Variants in RABGEF1 observed in about 807,000 individuals in gnomAD.
The protein encoded by RABGEF1 is rab5 GDP/GTP exchange factor.
RABGEF1 carries 26 observed loss-of-function variants against 57.3 expected under a neutral mutation model. That is an observed-to-expected ratio of 0.45 (90% CI 0.33 to 0.63). RABGEF1 has a LOEUF of 0.63. RABGEF1 is among the 20% of genes least tolerant of loss of function. The probability of loss-of-function intolerance (pLI) is 0.02; values close to 1 mark genes in which losing one functional copy is unlikely to be tolerated. For missense variants in RABGEF1, 464 were observed against 607.6 expected (o/e 0.76, Z 2.48); for synonymous variants, 185 against 210.7 (o/e 0.88, Z 1.06).
intron 1 of RABGEF1, chr7:66,755,814 T>C: frequency 2.7e-6 from 1 of 374,306 alleles, no homozygotes; most frequent in South Asian, 6.0e-5. Context: ...TTGAGAATGC[T>C]CCCCTGCTTG....
rs542167051 is a variant in RABGEF1, at chr7:66,699,399, A to G, written c.-872-12768A>G. Among the ~76,000 whole-genome samples, 12 of 152,292 alleles carry G rather than the reference A, an allele frequency of 7.9e-5. No homozygotes were observed. The East Asian group carries it at 2.3e-3, about 29-fold the overall frequency. ...CCAAGCCTCAGTTTTCTCATCTGTA[A>G]AATGGGAGTGGCTGGGTGCAGTGGC... On this transcript the variant is annotated intron_variant and NMD_transcript_variant, in intron 1 of 9. Transcript: ENST00000607882.
chr7:66,699,716 GGTA>G (rs1273764049), intron 1 of RABGEF1, among the ~76,000 whole-genome samples: 1 of 151,386 alleles, frequency 6.6e-6, no homozygotes, highest in Non-Finnish European at 1.5e-5. Flanking sequence ...AAACTGGTGT[GGTA>G]GTGTGCACTT....
rs539158824 is a variant in RABGEF1, at chr7:66,748,540, C to T, written c.-18+7748C>T. Among the ~76,000 whole-genome samples the T allele has an allele frequency of 2.0e-5, 3 of 152,266 alleles. No homozygotes were observed. The South Asian group carries it at 6.2e-4, about 32-fold the overall frequency. ...ACGATGGAACAGTCTGACAAGGGCACATATTTGTTTGTTTGTTTTTTGAGG... is the reference window on the plus strand; with the variant it reads ...ACGATGGAACAGTCTGACAAGGGCATATATTTGTTTGTTTGTTTTTTGAGG... On this transcript the variant is annotated intron_variant, in intron 1 of 8. Coordinates refer to ENST00000284957, the MANE Select transcript of RABGEF1 (RefSeq NM_014504.3).
At chr7:66,723,044 C>T (rs1009786298) in intron 2 of RABGEF1, among the ~76,000 whole-genome samples, 5 of 152,100 alleles carry the variant, frequency 3.3e-5, no homozygotes, top group East Asian at 1.9e-4. Flanking sequence ...TCTTGGCTCA[C>T]TGCAACCTCC....
At chr7:66,784,218 TTC>T (rs1810622967) in intron 4 of RABGEF1, among the ~76,000 whole-genome samples, 1 of 152,246 alleles carries the variant, frequency 6.6e-6, no homozygotes, top group South Asian at 2.1e-4. Flanking sequence ...TGTTGTTGAA[TTC>T]TGTTTTGTTT....
chr7:66,729,530 T>G (rs958562639), intron 2 of RABGEF1, among the ~76,000 whole-genome samples: 2 of 145,332 alleles, frequency 1.4e-5, no homozygotes, highest in African/African-American at 5.1e-5. Flanking sequence ...ATCCTCACCT[T>G]CAACCTCACC....
intron 7 of RABGEF1, among the ~76,000 whole-genome samples, chr7:66,804,378 ACT>A (rs1226024987): frequency 1.3e-5 from 2 of 152,174 alleles, no homozygotes; most frequent in East Asian, 3.9e-4. Context: ...CAGTAAAAAG[ACT>A]CTTCATCAGA....
chr7:66,674,656 G>A, the RABGEF1 span, among the ~76,000 whole-genome samples: 1 of 152,030 alleles, frequency 6.6e-6, no homozygotes, highest in South Asian at 2.1e-4. Flanking sequence ...CAATATGGTG[G>A]ATAAATTTCA....
chr7:66,749,077 G>A, intron 1 of RABGEF1: 1 of 154,720 alleles, frequency 6.5e-6, no homozygotes, highest in Non-Finnish European at 1.4e-5. Flanking sequence ...ATGTCTGACA[G>A]GGGCACATAT....
intron 2 of RABGEF1, chr7:66,773,846 T>C (rs1350798082): frequency 2.4e-6 from 1 of 418,954 alleles, no homozygotes; most frequent in Non-Finnish European, 4.8e-6. Context: ...TTGTATTTTA[T>C]GTAGAGACAG....
At chr7:66,721,259 C>T (rs2141924) in intron 2 of RABGEF1, among the ~76,000 whole-genome samples, 15,714 of 152,128 alleles carry the variant, frequency 0.1, 991 homozygotes, top group South Asian at 0.2. Context: ...AATCAAAATA[C>T]CTAGGAATAA....
chr7:66,764,842 C>A (rs372539877), intron 1 of RABGEF1, among the ~76,000 whole-genome samples: 1 of 152,108 alleles, frequency 6.6e-6, no homozygotes, highest in Non-Finnish European at 1.5e-5. Flanking sequence ...GTGCCAGTAC[C>A]GCGCTGTAGT....
intron 1 of RABGEF1, among the ~76,000 whole-genome samples, chr7:66,750,195 A>AT (rs1410246758): frequency 6.6e-6 from 1 of 152,134 alleles, no homozygotes; most frequent in East Asian, 1.9e-4. Flanking sequence ...GTGGATTTTT[A>AT]TTTGTCTAGG....
chr7:66,795,462 T>C (rs768742841), intron 4 of RABGEF1, 49 bp from the exon 5 acceptor site: 4 of 1,472,164 alleles, frequency 2.7e-6, no homozygotes, highest in Non-Finnish European at 2.9e-6. Context: ...AGAGCTGTGC[T>C]TCTGCACTTT....
upstream of RABGEF1, among the ~76,000 whole-genome samples, chr7:66,739,657 C>CA (rs10554809): frequency 8.8e-4 from 71 of 80,400 alleles, no homozygotes; most frequent in African/African-American, 3.2e-3. Flanking sequence ...GTGAGAGTCT[C>CA]AAAAAAAAAA....
At chr7:66,751,582 G>A (rs1413770929) in intron 1 of RABGEF1, among the ~76,000 whole-genome samples, 1 of 152,156 alleles carries the variant, frequency 6.6e-6, no homozygotes, top group East Asian at 1.9e-4. Context: ...TGAGCTGAGG[G>A]TTGAGGTTGT....
At chr7:66,797,566 G>GGGGA in intron 6 of RABGEF1, 60 bp downstream of exon 6, 5 of 1,551,090 alleles carry the variant, frequency 3.2e-6, no homozygotes, top group Non-Finnish European at 4.4e-6. Context: ...AACACACTGG[G>GGGGA]GGGAAAATAA....
At chr7:66,697,460 G>T (rs1562706821) in intron 1 of RABGEF1, among the ~76,000 whole-genome samples, 1 of 152,142 alleles carries the variant, frequency 6.6e-6, no homozygotes, top group East Asian at 1.9e-4. Context: ...CTTCACAGTG[G>T]CTCTGTCTGC....
the RABGEF1 span, among the ~76,000 whole-genome samples, chr7:66,670,433 ATT>A: frequency 5.6e-4 from 65 of 116,032 alleles, no homozygotes; most frequent in East Asian, 4.4e-3. Flanking sequence ...GAATGAGATG[ATT>A]TTTTTTTTTT....
Sources: allele counts gnomAD v4.1 joint callset (sites outside exome capture counted in the v4.1 genomes callset), GRCh38; gene constraint gnomAD v4.1.1; transcripts MANE v1.5; gene names NCBI Gene and HGNC (gene_info 2026-07-23, HGNC 2026-07-21).